TBXAS1: variants seen among roughly 807,000 people sequenced by gnomAD.
The protein encoded by TBXAS1 is thromboxane A synthase 1.
A neutral mutation model predicts 60.7 loss-of-function variants in TBXAS1; 48 were observed. The ratio of observed to expected loss-of-function variants is 0.79; its 90% CI spans 0.63 to 1.01. The LOEUF (loss-of-function observed/expected upper bound fraction) is 1.01. Ranked by LOEUF, TBXAS1 falls within the 50% of genes least tolerant of loss-of-function variation. The pLI, the probability that TBXAS1 is intolerant of heterozygous loss-of-function variation, is 0.00. For missense variants in TBXAS1, 685 were observed against 686.3 expected (o/e 1.00, Z 0.02); for synonymous variants, 287 against 269.7 (o/e 1.06, Z -0.63).
intron 9 of TBXAS1, among the ~76,000 whole-genome samples, chr7:139,984,436 T>G (rs571261884): frequency 1.3e-5 from 2 of 152,004 alleles, no homozygotes; most frequent in Admixed American, 1.3e-4. Flanking sequence ...CCTCAGCACC[T>G]GCGTTCTGCC....
At chr7:139,937,995 G>A (rs1348995813) in intron 5 of TBXAS1, among the ~76,000 whole-genome samples, 1 of 152,168 alleles carries the variant, frequency 6.6e-6, no homozygotes, top group Non-Finnish European at 1.5e-5. Flanking sequence ...ACTGAGGTAT[G>A]GAAAGAGGTT....
At chr7:139,832,121 C>T (rs1363033863) in intron 1 of TBXAS1, among the ~76,000 whole-genome samples, 1 of 152,104 alleles carries the variant, frequency 6.6e-6, no homozygotes, top group South Asian at 2.1e-4. Context: ...CTGAAGGAAG[C>T]GGATTGCTCC....
At chr7:139,825,258 T>C (rs1798408680), upstream of TBXAS1, among the ~76,000 whole-genome samples, 1 of 152,140 alleles carries the variant, frequency 6.6e-6, no homozygotes, top group Non-Finnish European at 1.5e-5. Flanking sequence ...CTGTATTGCA[T>C]CACAGGTACC....
intron 11 of TBXAS1, 51 bp downstream of exon 11, chr7:140,015,911 T>G: frequency 6.2e-7 from 1 of 1,611,174 alleles, no homozygotes; most frequent in South Asian, 1.1e-5. Context: ...GTGTGTGGGA[T>G]AGAAATTTAC....
intron 1 of TBXAS1, among the ~76,000 whole-genome samples, chr7:139,859,998 G>C (rs776319579): frequency 6.6e-6 from 1 of 152,088 alleles, no homozygotes; most frequent in Non-Finnish European, 1.5e-5. Context: ...AATTAGCTGA[G>C]CACAATAGTG....
At chr7:139,897,080 C>A (rs1804163686) in intron 3 of TBXAS1, among the ~76,000 whole-genome samples, 1 of 152,138 alleles carries the variant, frequency 6.6e-6, no homozygotes, top group African/African-American at 2.4e-5. Flanking sequence ...ATGGAATTCC[C>A]ACTGCATGCT....
chr7:139,806,092 G>A (rs1391099423), intron 4 of TBXAS1, among the ~76,000 whole-genome samples: 8 of 150,582 alleles, frequency 5.3e-5, no homozygotes, highest in Non-Finnish European at 7.4e-5. Context: ...CCGCCACCAC[G>A]CCTGGCTAAT....
intron 3 of TBXAS1, among the ~76,000 whole-genome samples, chr7:139,888,135 T>C (rs1322436150): frequency 1.3e-5 from 2 of 152,206 alleles, no homozygotes; most frequent in African/African-American, 2.4e-5. Context: ...TATCAACAAA[T>C]GCTTGCACTG....
chr7:139,850,262 A>G (rs1800119779), intron 1 of TBXAS1, among the ~76,000 whole-genome samples: 1 of 152,250 alleles, frequency 6.6e-6, no homozygotes, highest in Admixed American at 6.5e-5. Flanking sequence ...ATCAGCCACA[A>G]AATCCCATTT....
At chr7:140,003,123 TC>T (rs71170932) in intron 9 of TBXAS1, among the ~76,000 whole-genome samples, 34,805 of 119,308 alleles carry the variant, frequency 0.29, 4,408 homozygotes, top group East Asian at 0.42. Context: ...AAACTCCGTC[TC>T]AAAAAAAAAA....
At chr7:139,983,714 G>A (rs1812124513) in intron 9 of TBXAS1, among the ~76,000 whole-genome samples, 1 of 152,150 alleles carries the variant, frequency 6.6e-6, no homozygotes, top group Non-Finnish European at 1.5e-5. Context: ...CTCTCCAGGA[G>A]CCGCCCACTC....
At chr7:139,880,142 C>G (rs566136970) in intron 3 of TBXAS1, among the ~76,000 whole-genome samples, 61 of 152,312 alleles carry the variant, frequency 4.0e-4, no homozygotes, top group African/African-American at 1.2e-3. Context: ...CTCGGCCTGC[C>G]AAAATGTGGG....
In TBXAS1 at chr7:139,879,383, T is replaced by TA. The variant is rs527679787; in HGVS notation, c.236+3752dup. On this transcript the variant is annotated intron_variant, in intron 3 of 12. Coordinates refer to ENST00000448866, the MANE Select transcript of TBXAS1 (RefSeq NM_001061.7). ...AGCTATTAGTCGTGGTGGTACGTGATAAAAAACTCTCCTGAATTGCACAGC... is the reference window on the plus strand; with the variant it reads ...AGCTATTAGTCGTGGTGGTACGTGATAAAAAAACTCTCCTGAATTGCACAGC... Among the ~76,000 whole-genome samples, 391 of 152,260 alleles carry TA rather than the reference T, an allele frequency of 2.6e-3. 5 individuals carry two copies. The highest frequency in any genetic ancestry group is 0.023 in the Admixed American group (349 of 15,298).
chr7:139,969,059 T>A (rs1811005183), intron 9 of TBXAS1, among the ~76,000 whole-genome samples: 1 of 152,214 alleles, frequency 6.6e-6, no homozygotes, highest in South Asian at 2.1e-4. Context: ...ACCATTCTCT[T>A]TTCTTCTCTT....
chr7:139,871,387 A>G (rs1286196624), intron 1 of TBXAS1, among the ~76,000 whole-genome samples: 1 of 152,152 alleles, frequency 6.6e-6, no homozygotes, highest in Non-Finnish European at 1.5e-5. Flanking sequence ...TTGCTGAACT[A>G]ACTGAACTTT....
intron 1 of TBXAS1, among the ~76,000 whole-genome samples, chr7:139,833,778 T>G (rs1038801723): frequency 1.3e-5 from 2 of 152,144 alleles, no homozygotes; most frequent in Non-Finnish European, 2.9e-5. Context: ...TAAACATATA[T>G]GCACCTAAAA....
At chr7:139,805,712 T>TTCTGTCTCTCTC (rs753031062) in intron 4 of TBXAS1, among the ~76,000 whole-genome samples, 1 of 44,318 alleles carries the variant, frequency 2.3e-5, no homozygotes, top group African/African-American at 8.1e-5. Context: ...CTTTCTTTCT[T>TTCTGTCTCTCTC]TCTCTCTCTC....
chr7:139,793,064 A>G (rs1450494530), intron 4 of TBXAS1, among the ~76,000 whole-genome samples: 1 of 152,182 alleles, frequency 6.6e-6, no homozygotes, highest in Admixed American at 6.5e-5. Flanking sequence ...AATGGTATAA[A>G]CTAAAAATAT....
Position 139,859,199 on chromosome 7 carries a change from GTT to G in TBXAS1, c.90-13017_90-13016del, listed in dbSNP as rs1221686304. On this transcript the variant is annotated intron_variant, in intron 1 of 12. Coordinates refer to ENST00000448866, the MANE Select transcript of TBXAS1 (RefSeq NM_001061.7). ...CCAAAGCATTCATTTTTTATCGTTA[GTT>G]TTTTTTTTTTTTTTTTTTGAGACGG... Among the ~76,000 whole-genome samples the G allele has an allele frequency of 7.4e-3, 853 of 114,604 alleles. 4 individuals carry two copies. The highest frequency in any genetic ancestry group is 0.024 in the South Asian group (81 of 3,398). 75.2% of individuals were successfully genotyped at this position (114,604 alleles called of 152,430 possible).
Sources: gnomAD v4.1 joint callset for allele counts (sites outside exome capture counted in the v4.1 genomes callset) on GRCh38, gnomAD v4.1.1 for gene constraint, MANE v1.5 for transcripts, NCBI Gene and HGNC (gene_info 2026-07-23, HGNC 2026-07-21) for gene names.